The following PCDHA6 variants were observed in gnomAD, a reference collection of about 807,000 sequenced individuals.
PCDHA6 encodes protocadherin alpha-6.
In PCDHA6, 55 loss-of-function variants were observed where a neutral mutation model predicts 60.3. The observed-to-expected ratio is 0.91, with a 90% CI of 0.73 to 1.14. The LOEUF is 1.14. Ranked by LOEUF, PCDHA6 falls within the 50% of genes most tolerant of loss-of-function variation. The probability of loss-of-function intolerance (pLI) is 0.00; values close to 1 mark genes in which losing one functional copy is unlikely to be tolerated. For missense variants in PCDHA6, 1,327 were observed against 1,256.5 expected (o/e 1.06, Z -0.85); for synonymous variants, 652 against 557.9 (o/e 1.17, Z -2.38).
intron 1 of PCDHA6, chr5:140,836,466 G>T: frequency 6.2e-7 from 1 of 1,613,862 alleles, no homozygotes; most frequent in Non-Finnish European, 8.5e-7. Flanking sequence ...CGAGCTGGTG[G>T]ATGTCAACGT....
At chr5:140,897,367 T>G (rs1554187348) in intron 1 of PCDHA6, among the ~76,000 whole-genome samples, 1 of 125,642 alleles carries the variant, frequency 8.0e-6, no homozygotes, top group South Asian at 2.5e-4. Flanking sequence ...CAGAGTGTGA[T>G]GTTCCCTTCC....
chr5:140,848,221 A>T, intron 1 of PCDHA6: 1 of 378,712 alleles, frequency 2.6e-6, no homozygotes, highest in Non-Finnish European at 4.7e-6. Context: ...AGAAAAAATT[A>T]AGAAAATGAA....
intron 1 of PCDHA6, among the ~76,000 whole-genome samples, chr5:140,838,563 G>C (rs1007641143): frequency 1.3e-5 from 2 of 151,752 alleles, no homozygotes; most frequent in African/African-American, 4.9e-5. Flanking sequence ...ATCCAGTACT[G>C]TATTAGGGAC....
chr5:140,993,996 G>T (rs1163632974), intron 3 of PCDHA6, among the ~76,000 whole-genome samples: 1 of 152,148 alleles, frequency 6.6e-6, no homozygotes, highest in Non-Finnish European at 1.5e-5. Flanking sequence ...CTTAGGTCAG[G>T]CCAGGCTCTG....
At chr5:140,914,921 T>C (rs895344325) in intron 1 of PCDHA6, among the ~76,000 whole-genome samples, 1 of 151,508 alleles carries the variant, frequency 6.6e-6, no homozygotes, top group Non-Finnish European at 1.5e-5. Context: ...TGTGTCTTAT[T>C]GTACTATGTT....
At chr5:140,848,150 A>AG (rs1781344114) in intron 1 of PCDHA6, 1 of 209,114 alleles carries the variant, frequency 4.8e-6, no homozygotes, top group South Asian at 1.1e-4. Flanking sequence ...AGAGGCAGTC[A>AG]GTCTGCTAAG....
chr5:140,844,983 A>G (rs1554140802), intron 1 of PCDHA6, among the ~76,000 whole-genome samples: 1 of 149,210 alleles, frequency 6.7e-6, no homozygotes, highest in Admixed American at 6.7e-5. Flanking sequence ...ATTGTTTTAA[A>G]TCTTTTAATC....
intron 1 of PCDHA6, chr5:140,871,145 C>T (rs1249708738): frequency 1.2e-6 from 2 of 1,613,300 alleles, no homozygotes; most frequent in East Asian, 2.2e-5. Context: ...TCTTCCCGGA[C>T]TTTGGCGGGC....
At chr5:140,965,356 A>T (rs1554227617) in intron 1 of PCDHA6, among the ~76,000 whole-genome samples, 3 of 152,194 alleles carry the variant, frequency 2.0e-5, no homozygotes, top group African/African-American at 7.2e-5. Flanking sequence ...CCTCTATAGC[A>T]GTACAAGAGG....
chr5:140,980,058 A>C (rs1554241393), intron 2 of PCDHA6, among the ~76,000 whole-genome samples: 1 of 152,254 alleles, frequency 6.6e-6, no homozygotes, highest in Non-Finnish European at 1.5e-5. Context: ...ATTCAGAAGC[A>C]ATCAGTGAAG....
At chr5:140,871,293 G>T (rs1206433527) in intron 1 of PCDHA6, 5 of 1,613,794 alleles carry the variant, frequency 3.1e-6, no homozygotes, top group Admixed American at 1.7e-5. Flanking sequence ...CTGAGGGCGC[G>T]TGCGCGCCGG....
chr5:140,892,910 C>T (rs1206176408), intron 1 of PCDHA6, among the ~76,000 whole-genome samples: 1 of 152,164 alleles, frequency 6.6e-6, no homozygotes, highest in Non-Finnish European at 1.5e-5. Context: ...TCCTCCTTTT[C>T]CTTCACCCTT....
Position 140,982,561 on chromosome 5 carries a change from C to T in PCDHA6, c.2540C>T (p.Pro847Leu), listed in dbSNP as rs560422677. 11 of 1,614,060 alleles carry T rather than the reference C, an allele frequency of 6.8e-6. No individual in the cohort carries two copies. Among genetic ancestry groups the T allele is most frequent in the Non-Finnish European group, 9.3e-6 (11 of 1,179,970 alleles). Residue 847 changes from proline to leucine, a missense_variant and splice_region_variant, in exon 3 of 4, where the codon CCA becomes CTA. Pro to Leu is a moderately conservative substitution (Grantham distance 98). Coordinates refer to ENST00000529310, the MANE Select transcript of PCDHA6 (RefSeq NM_018909.4). Reference protein sequence around the residue: ...QQWPTVSSATPEPEAGEVSPP... With the variant: ...QQWPTVSSATLEPEAGEVSPP... ...TGGCCAACAGTATCCAGTGCAACAC[C>T]AGGTAAAGAGCTGGGGTCTCTCCAT...
rs782607699 is a variant in PCDHA6, at chr5:140,926,577, C to A, written c.2395-52372C>A. ...CAGCCCGCTGCTACTGGAGACAGCA[C>A]CTCTCGCGCCCGGGCGGGCGGCCTC... On this transcript the variant is annotated intron_variant, in intron 1 of 3. Coordinates refer to ENST00000529310, the MANE Select transcript of PCDHA6 (RefSeq NM_018909.4). The A allele has an allele frequency of 2.5e-5, 7 of 275,464 alleles. No individual in the cohort carries two copies. In the Middle Eastern group the frequency reaches 3.1e-3, roughly 122 times the overall value. The allele number at this position is 275,464 out of a possible 1,614,324, so 17.1% of individuals were successfully genotyped here. A position where few individuals can be genotyped will look rare whatever the true frequency, so the allele number is the denominator to read the frequency against.
At chr5:140,909,995 A>G (rs1315885700) in intron 1 of PCDHA6, among the ~76,000 whole-genome samples, 2 of 152,178 alleles carry the variant, frequency 1.3e-5, no homozygotes, top group African/African-American at 4.8e-5. Flanking sequence ...AACAGCATAA[A>G]TTGTTGTCAG....
At chr5:141,006,741 A>G (rs1275777013) in intron 3 of PCDHA6, among the ~76,000 whole-genome samples, 2 of 152,208 alleles carry the variant, frequency 1.3e-5, no homozygotes, top group Non-Finnish European at 2.9e-5. Flanking sequence ...TTGATGATGT[A>G]TTATAAATGG....
intron 1 of PCDHA6, among the ~76,000 whole-genome samples, chr5:140,956,151 C>A (rs1193859248): frequency 6.6e-6 from 1 of 152,156 alleles, no homozygotes; most frequent in African/African-American, 2.4e-5. Flanking sequence ...CTTTCTCTTT[C>A]CTAATTGCCA....
intron 1 of PCDHA6, among the ~76,000 whole-genome samples, chr5:140,935,394 G>A (rs959098226): frequency 2.0e-5 from 3 of 152,088 alleles, no homozygotes; most frequent in East Asian, 1.9e-4. Flanking sequence ...GTTATCCCAC[G>A]GGACTCAAAC....
At chr5:140,974,105 A>G (rs1173287678) in intron 1 of PCDHA6, among the ~76,000 whole-genome samples, 1 of 152,246 alleles carries the variant, frequency 6.6e-6, no homozygotes, top group African/African-American at 2.4e-5. Context: ...GGTTAAAAGT[A>G]TTCTTTTGCA....
Sources: gnomAD v4.1 joint callset for allele counts (sites outside exome capture counted in the v4.1 genomes callset) on GRCh38, gnomAD v4.1.1 for gene constraint, MANE v1.5 for transcripts, NCBI Gene and HGNC (gene_info 2026-07-23, HGNC 2026-07-21) for gene names.